The following TEX11 variants were observed in gnomAD, a reference collection of about 807,000 sequenced individuals.
The protein encoded by TEX11 is testis expressed 11.
A neutral mutation model predicts 84.4 loss-of-function variants in TEX11; 7 were observed. The observed-to-expected ratio is 0.08, with a 90% confidence interval of 0.05 to 0.16. The LOEUF (loss-of-function observed/expected upper bound fraction) is 0.16, where lower values mean the gene tolerates loss of function less well. Ranked by LOEUF, TEX11 falls within the 10% of genes least tolerant of loss-of-function variation. TEX11 has a pLI of 1.00. For synonymous variants in TEX11, 264 were observed against 222.8 expected (o/e 1.18, Z -1.64); for missense variants, 551 against 660.5 (o/e 0.83, Z 1.82).
chrX:70,890,138 T>C (rs779786399), intron 2 of TEX11, among the ~76,000 whole-genome samples: 2 of 111,594 alleles, frequency 1.8e-5, no homozygotes, highest in Non-Finnish European at 3.8e-5. Flanking sequence ...CCGATACTTA[T>C]GTCAGAAAAA....
intron 9 of TEX11, among the ~76,000 whole-genome samples, chrX:70,801,965 A>G (rs1275205842): frequency 1.8e-5 from 2 of 111,520 alleles, no homozygotes; most frequent in Non-Finnish European, 3.8e-5. Flanking sequence ...CCAGGCAATG[A>G]TCACTGATGG....
At chrX:70,831,856 A>G (rs1375075528) in intron 8 of TEX11, among the ~76,000 whole-genome samples, 1 of 111,738 alleles carries the variant, frequency 8.9e-6, no homozygotes, top group Admixed American at 9.6e-5. Flanking sequence ...TGTATATCAA[A>G]ATATTATGTT....
chrX:70,532,585 AT>A (rs1285448608), intron 28 of TEX11, among the ~76,000 whole-genome samples: 1 of 111,449 alleles, frequency 9.0e-6, no homozygotes, highest in East Asian at 2.8e-4. Context: ...AAAATACAAA[AT>A]AGCTGGGTGT....
intron 24 of TEX11, among the ~76,000 whole-genome samples, chrX:70,595,458 C>T (rs1310530623): frequency 9.0e-6 from 1 of 110,817 alleles, no homozygotes; most frequent in African/African-American, 3.3e-5. Context: ...GTGTTTGGAG[C>T]ATATATAGAT....
At chrX:70,732,247 A>G (rs142876817) in intron 11 of TEX11, among the ~76,000 whole-genome samples, 8,461 of 111,445 alleles carry the variant, frequency 0.076, 282 homozygotes, top group African/African-American at 0.13. Context: ...CTGGCACAAG[A>G]CAGGGATGCC....
At chrX:70,761,771 C>T (rs919952180) in intron 9 of TEX11, among the ~76,000 whole-genome samples, 5 of 111,592 alleles carry the variant, frequency 4.5e-5, no homozygotes, top group Non-Finnish European at 9.4e-5. Context: ...TAGAGAACTT[C>T]CCAAACCTAG....
At chrX:70,798,958 G>C (rs765662140) in intron 9 of TEX11, among the ~76,000 whole-genome samples, 4 of 110,968 alleles carry the variant, frequency 3.6e-5, no homozygotes, top group African/African-American at 6.5e-5. Context: ...GACCCCCAAA[G>C]TACAGACAAC....
intron 9 of TEX11, among the ~76,000 whole-genome samples, chrX:70,751,888 A>C: frequency 8.9e-6 from 1 of 112,557 alleles, no homozygotes. Context: ...AAAAGAAAGT[A>C]TGATTATATA....
At chrX:70,842,002 CA>C (rs1438621167) in intron 7 of TEX11, among the ~76,000 whole-genome samples, 1 of 110,820 alleles carries the variant, frequency 9.0e-6, no homozygotes, top group Non-Finnish European at 1.9e-5. Context: ...GCTTACCAAC[CA>C]AAAAAAGTCC....
At chrX:70,545,815 C>G (rs2088115857) in intron 28 of TEX11, among the ~76,000 whole-genome samples, 2 of 111,347 alleles carry the variant, frequency 1.8e-5, no homozygotes, top group African/African-American at 6.5e-5. Flanking sequence ...CACTAGGTGA[C>G]AGGAATTTTT....
intron 25 of TEX11, among the ~76,000 whole-genome samples, chrX:70,577,879 C>A (rs985578166): frequency 1.8e-5 from 2 of 110,364 alleles, no homozygotes; most frequent in African/African-American, 6.6e-5. Context: ...AGGTACCCAC[C>A]ACCACGCCAA....
chrX:70,722,842 T>G, intron 12 of TEX11, 146 bp from the exon 13 acceptor site: 2 of 466,117 alleles, frequency 4.3e-6, no homozygotes, highest in South Asian at 6.5e-5. Flanking sequence ...AAATCTTCTT[T>G]TAAAGTATTA....
At chrX:70,751,654 A>T (rs955713174) in intron 9 of TEX11, among the ~76,000 whole-genome samples, 5 of 111,695 alleles carry the variant, frequency 4.5e-5, no homozygotes, top group African/African-American at 1.3e-4. Flanking sequence ...AAGAAAAAAA[A>T]ATCTGTGAAA....
the TEX11 span, among the ~76,000 whole-genome samples, chrX:70,514,880 C>T: frequency 9.0e-6 from 1 of 110,642 alleles, no homozygotes; most frequent in Non-Finnish European, 1.9e-5. Context: ...CTAGCTTGGC[C>T]TACATGGTGA....
In TEX11 at chrX:70,561,388, C is replaced by CTT. The variant is rs34112390; in HGVS notation, c.2141-6590_2141-6589dup. ...TGTATCCAACAACCATATCAATTTA[C>CTT]TTTTTTTTTTTTTTTTTTTGACAGA... On this transcript the variant is annotated intron_variant, in intron 25 of 29. Coordinates refer to ENST00000374333, the MANE Select transcript of TEX11 (RefSeq NM_031276.3). Among the ~76,000 whole-genome samples the CTT allele has an allele frequency of 2.5e-3, 198 of 78,882 alleles. 4 individuals carry two copies. The highest frequency in any genetic ancestry group is 9.7e-3 in the South Asian group (14 of 1,441). 68.5% of individuals were successfully genotyped at this position (78,882 alleles called of 115,157 possible).
chrX:70,873,284 T>C lies in TEX11; in HGVS notation c.183A>G (p.Leu61=), dbSNP rs781100722. 9 of 1,199,541 alleles carry C rather than the reference T, an allele frequency of 7.5e-6. No homozygotes were observed. In the Admixed American group the frequency reaches 1.3e-4, roughly 17 times the overall value. ...CTCCTATGGTAAGTGCCCAGTTCCA[T>C]AGGTTTACTGCCATTTCTTCAATCT... ...DIQIEEMAVN[L]WNWALTIGGG... The change falls in exon 4 of 30, where the codon CTA becomes CTG. Residue 61 remains leucine, a synonymous_variant. Transcript: ENST00000374333.
At chrX:70,519,528 C>G in the TEX11 span, among the ~76,000 whole-genome samples, 1 of 111,936 alleles carries the variant, frequency 8.9e-6, no homozygotes, top group Non-Finnish European at 1.9e-5. Context: ...TAACCTTTCT[C>G]TCTGGCTGCC....
chrX:70,882,847 T>C (rs1166589922), intron 2 of TEX11, among the ~76,000 whole-genome samples: 1 of 112,285 alleles, frequency 8.9e-6, no homozygotes, highest in Non-Finnish European at 1.9e-5. Context: ...ACATAGTTTA[T>C]GAGACTATGA....
At chrX:70,812,053 G>A (rs1206456991) in intron 8 of TEX11, among the ~76,000 whole-genome samples, 4 of 111,291 alleles carry the variant, frequency 3.6e-5, no homozygotes, top group East Asian at 2.8e-4. Flanking sequence ...TGTCAGTTTT[G>A]GCTTTTGTTG....
Sources: allele counts gnomAD v4.1 joint callset (sites outside exome capture counted in the v4.1 genomes callset), GRCh38; gene constraint gnomAD v4.1.1; transcripts MANE v1.5; gene names NCBI Gene and HGNC (gene_info 2026-07-23, HGNC 2026-07-21).